The following KLHL4 variants were observed in gnomAD, a reference collection of about 807,000 sequenced individuals.
KLHL4 encodes kelch like family member 4, also known as kelch-like protein 4.
A neutral mutation model predicts 45.8 loss-of-function variants in KLHL4; 17 were observed. The observed-to-expected ratio is 0.37, with a 90% CI of 0.25 to 0.56. The LOEUF is 0.56. KLHL4 is among the 20% of genes least tolerant of loss of function. The probability of loss-of-function intolerance (pLI) is 0.79; values close to 1 mark genes in which losing one functional copy is unlikely to be tolerated. For synonymous variants in KLHL4, 224 were observed against 189.9 expected, an observed-to-expected ratio of 1.18 and a Z score of -1.47; for missense variants, 544 against 544.9, an observed-to-expected ratio of 1.00 and a Z score of 0.02.
intron 7 of KLHL4, among the ~76,000 whole-genome samples, chrX:87,633,526 AACAATAGT>A (rs1186803478): frequency 1.8e-5 from 2 of 111,941 alleles, no homozygotes; most frequent in Non-Finnish European, 3.8e-5. Flanking sequence ...TCAGTGTTAC[AACAATAGT>A]ACCCTTCTAT....
At chrX:87,665,155 C>T (rs1283770446) in intron 10 of KLHL4, among the ~76,000 whole-genome samples, 1 of 110,963 alleles carries the variant, frequency 9.0e-6, no homozygotes, top group African/African-American at 3.3e-5. Context: ...CAACTTATAA[C>T]CCATCTTATA....
intron 1 of KLHL4, among the ~76,000 whole-genome samples, chrX:87,579,221 A>T (rs1230181225): frequency 9.9e-5 from 11 of 111,376 alleles, no homozygotes; most frequent in Non-Finnish European, 1.9e-4. Flanking sequence ...TACTGAAAAA[A>T]AAATCAGTCT....
intron 1 of KLHL4, 34 bp from the exon 2 acceptor site, chrX:87,613,842 GA>G: frequency 9.7e-7 from 1 of 1,027,783 alleles, no homozygotes. Context: ...AAAATTATAT[GA>G]TGAACCATAT....
chrX:87,534,668 C>A (rs182170884), intron 1 of KLHL4, among the ~76,000 whole-genome samples: 188 of 111,401 alleles, frequency 1.7e-3, no homozygotes, highest in African/African-American at 5.4e-3. Context: ...ATAAAAAATA[C>A]AACCACTCAT....
intron 1 of KLHL4, among the ~76,000 whole-genome samples, chrX:87,523,644 C>G (rs1309883951): frequency 9.0e-6 from 1 of 111,513 alleles, no homozygotes; most frequent in Non-Finnish European, 1.9e-5. Context: ...ACCCATGAGT[C>G]CATACTGATA....
intron 1 of KLHL4, among the ~76,000 whole-genome samples, chrX:87,542,766 C>G (rs1931589804): frequency 1.8e-5 from 2 of 111,877 alleles, no homozygotes; most frequent in Admixed American, 1.9e-4. Context: ...AGACTTTGAG[C>G]TTGGACTTTT....
chrX:87,604,139 T>C (rs1922112168), intron 1 of KLHL4, among the ~76,000 whole-genome samples: 1 of 111,289 alleles, frequency 9.0e-6, no homozygotes, highest in Admixed American at 9.6e-5. Context: ...TCATTAATTG[T>C]TGGACACTTG....
Position 87,664,876 on chromosome X carries a change from G to A in KLHL4, c.2038G>A (p.Gly680Arg), listed in dbSNP as rs746712371. 1 of 1,198,189 alleles carries A rather than the reference G, an allele frequency of 8.3e-7. No homozygotes were observed. The highest frequency in any genetic ancestry group is 1.1e-6 in the Non-Finnish European group (1 of 884,232). Residue 680 changes from glycine (G) to arginine (R), a missense_variant, in exon 10 of 11, where the codon GGA becomes AGA. By Grantham distance (125) the Gly-to-Arg change is moderately radical. Transcript: ENST00000373119. ...DKLYVVGGYD[G>R]HTYLNTVESY... is the part of the protein sequence containing the mutation. ...ACTCTACGTGGTTGGAGGATATGAC[G>A]GACATACTTATTTGAACACAGTTGA...
At chrX:87,594,347 C>T (rs1162483828) in intron 1 of KLHL4, among the ~76,000 whole-genome samples, 1 of 111,255 alleles carries the variant, frequency 9.0e-6, no homozygotes, top group East Asian at 2.8e-4. Flanking sequence ...ATTCAATGGC[C>T]TCAGAGTGAA....
Position 87,534,579 on chromosome X carries a change from C to T in KLHL4, c.422+16264C>T, listed in dbSNP as rs774824880. On this transcript the variant is annotated intron_variant, in intron 1 of 10. Transcript: ENST00000373119. ...ACAGCATTAATGTAACCTCACACCC[C>T]TCCTACATGTTATGTGGAAGGATGG... Among the ~76,000 whole-genome samples the T allele has an allele frequency of 1.4e-3, 152 of 111,117 alleles. 1 individual carries two copies. Among genetic ancestry groups the T allele is most frequent in the African/African-American group, 4.6e-3 (141 of 30,642 alleles).
chrX:87,568,278 G>A (rs1334332173), intron 1 of KLHL4, among the ~76,000 whole-genome samples: 1 of 109,384 alleles, frequency 9.1e-6, no homozygotes, highest in Non-Finnish European at 1.9e-5. Flanking sequence ...TGTGTTCCTG[G>A]ATTGGAAGAC....
chrX:87,533,611 C>G (rs1393141634), intron 1 of KLHL4, among the ~76,000 whole-genome samples: 4 of 107,125 alleles, frequency 3.7e-5, no homozygotes, highest in Non-Finnish European at 7.7e-5. Context: ...GCTAAATGAC[C>G]AGTTAATGGG....
Position 87,613,992 on chromosome X carries a change from C to G in KLHL4, c.538C>G (p.Gln180Glu). The G allele has an allele frequency of 8.3e-7, 1 of 1,208,381 alleles. No homozygotes were observed. Among genetic ancestry groups the G allele is most frequent in the Non-Finnish European group, 1.1e-6 (1 of 893,470 alleles). Residue 180 changes from glutamine (Q) to glutamate (E), a missense_variant, in exon 2 of 11, where the codon CAA (glutamine) becomes GAA (glutamate). By Grantham distance (29) the Gln-to-Glu change is conservative. Transcript: ENST00000373119. ...AATGGAGAACTACTTGAAAGAGAAA[C>G]AACTATGTGATGTGCTACTGATTGC... ...RKMENYLKEKQLCDVLLIAGH... is the reference protein window; with the variant it reads ...RKMENYLKEKELCDVLLIAGH...
intron 1 of KLHL4, among the ~76,000 whole-genome samples, chrX:87,573,223 G>A (rs1192621284): frequency 9.0e-6 from 1 of 111,049 alleles, no homozygotes; most frequent in Admixed American, 9.6e-5. Flanking sequence ...TGAAATTTTC[G>A]AAAAGCACAG....
At chrX:87,665,043 T>A (rs945770967) in intron 10 of KLHL4, 108 bp downstream of exon 10, 6 of 479,332 alleles carry the variant, frequency 1.3e-5, no homozygotes, top group Non-Finnish European at 2.0e-5. Context: ...CCTAACAAGA[T>A]CTTTTAGTGA....
Position 87,632,253 on chromosome X carries a change from G to A in KLHL4, c.1368G>A (p.Trp456Ter). The change falls in exon 7 of 11, where the codon TGG (tryptophan) becomes TGA (stop). Residue 456 changes from tryptophan (W) to a stop codon, truncating the protein, a stop_gained. Transcript: ENST00000373119. LOFTEE classifies it high-confidence loss of function. The stretch of plus-strand genomic sequence containing the variant: ...AATATGACCTCAGGACCAACAGTTG[G>A]CTACATATTGGCACCATGAATGGCC... ...IEKYDLRTNS[W>*]LHIGTMNGRR... The A allele has an allele frequency of 8.3e-7, 1 of 1,206,271 alleles. No individual in the cohort carries two copies. The highest frequency in any genetic ancestry group is 1.7e-5 in the African/African-American group (1 of 57,684).
At position 87,518,249 on chromosome X, in the gene KLHL4, C is replaced by T; in HGVS notation, c.356C>T (p.Ala119Val). Residue 119 changes from alanine (A) to valine (V), a missense_variant, in exon 1 of 11, where the codon GCT (alanine) becomes GTT (valine). Transcript: ENST00000373119. ...SVPEKNLFKE[A>V]CEKRAQDLEM... ...CCAGAGAAGAATTTATTCAAAGAAG[C>T]TTGTGAGAAACGCGCACAAGATTTG... 8.3e-7 allele frequency: 1 copy of T among 1,211,255 alleles called. No homozygotes were observed.
At position 87,666,729 on chromosome X, in the gene KLHL4, AATT is replaced by A; in HGVS notation, c.*200_*202del. 2.1e-6 allele frequency: 2 copies of A among 965,447 alleles called. No homozygotes were observed. The highest frequency in any genetic ancestry group is 2.6e-6 in the Non-Finnish European group (2 of 767,028). The allele number at this position is 965,447 out of a possible 1,213,427, so 79.6% of individuals were successfully genotyped here. A position where few individuals can be genotyped will look rare whatever the true frequency, so the allele number is the denominator to read the frequency against. ...CGTTTTTAAACATGAATTACATATG[AATT>A]ATTAAGCATATGTGCTTTCGCAGCT... is the stretch of plus-strand genomic sequence containing the variant. On this transcript the variant is annotated 3_prime_UTR_variant, in exon 11 of 11. Coordinates refer to ENST00000373119, the MANE Select transcript of KLHL4 (RefSeq NM_019117.5).
chrX:87,552,602 G>A (rs1931855405), intron 1 of KLHL4, among the ~76,000 whole-genome samples: 1 of 110,810 alleles, frequency 9.0e-6, no homozygotes, highest in African/African-American at 3.3e-5. Flanking sequence ...ACTTGCACAT[G>A]CATGTTTATA....
Sources: gnomAD v4.1 joint callset for allele counts (sites outside exome capture counted in the v4.1 genomes callset) on GRCh38, gnomAD v4.1.1 for gene constraint, MANE v1.5 for transcripts, NCBI Gene and HGNC (gene_info 2026-07-23, HGNC 2026-07-21) for gene names.